The following NEO1 variants were observed in gnomAD, a reference collection of about 807,000 sequenced individuals.
NEO1 encodes the protein neogenin 1, also known as neogenin.
Under a neutral mutation model 159.7 loss-of-function variants are expected in NEO1, and 63 were observed. The observed-to-expected ratio is 0.39, with a 90% confidence interval of 0.32 to 0.49. The LOEUF is 0.49. Ranked by LOEUF, NEO1 falls within the 20% of genes least tolerant of loss-of-function variation. The probability of loss-of-function intolerance (pLI) is 0.85; values close to 1 mark genes in which losing one functional copy is unlikely to be tolerated. For missense variants in NEO1, 1,615 were observed against 1,831.0 expected (o/e 0.88, Z 2.15); for synonymous variants, 633 against 662.0 (o/e 0.96, Z 0.67).
intron 18 of NEO1, among the ~76,000 whole-genome samples, chr15:73,270,900 C>T (rs577025248): frequency 3.9e-5 from 6 of 152,286 alleles, no homozygotes; most frequent in East Asian, 1.9e-4. Context: ...TAAGTGGACA[C>T]GAGAGGGAAA....
At chr15:73,126,322 G>A (rs1397360715) in intron 3 of NEO1, 95 bp from the exon 4 acceptor site, 11 of 1,156,240 alleles carry the variant, frequency 9.5e-6, no homozygotes, top group Admixed American at 7.2e-5. Flanking sequence ...CTCCCTCCTC[G>A]GCCTCCCAAA....
intron 7 of NEO1, among the ~76,000 whole-genome samples, chr15:73,220,573 C>T (rs969088344): frequency 5.3e-5 from 8 of 152,164 alleles, no homozygotes; most frequent in Admixed American, 1.3e-4. Context: ...ACCAATCAGA[C>T]GTAGATTTGG....
At chr15:73,133,641 G>T (rs1023685579) in intron 4 of NEO1, among the ~76,000 whole-genome samples, 2 of 152,100 alleles carry the variant, frequency 1.3e-5, no homozygotes, top group African/African-American at 4.8e-5. Context: ...GCTACTCAGG[G>T]ATACCTTATG....
At chr15:73,251,071 A>G (rs1439632722) in intron 11 of NEO1, among the ~76,000 whole-genome samples, 1 of 152,220 alleles carries the variant, frequency 6.6e-6, no homozygotes, top group African/African-American at 2.4e-5. Context: ...CAATATGTAG[A>G]TAGATAAATC....
chr15:73,071,991 C>G (rs1269730526), intron 1 of NEO1, among the ~76,000 whole-genome samples: 3 of 152,074 alleles, frequency 2.0e-5, no homozygotes, highest in Non-Finnish European at 4.4e-5. Context: ...ACTCTTGTCA[C>G]CCAGGCTGAA....
At chr15:73,212,051 G>T (rs927685601) in intron 7 of NEO1, among the ~76,000 whole-genome samples, 8 of 152,278 alleles carry the variant, frequency 5.3e-5, no homozygotes, top group African/African-American at 1.9e-4. Context: ...TCGTATCGGG[G>T]TACATGATAT....
In NEO1 at chr15:73,304,984, G is replaced by A. The variant is rs2151204313; in HGVS notation, c.*2288G>A. Reference sequence around the variant, plus strand: ...CCATTGTGTGTCCTGTAGTGTCCTGGTTGAGCTGCCGCTCAGCAGCTTCCT... The same window carrying A: ...CCATTGTGTGTCCTGTAGTGTCCTGATTGAGCTGCCGCTCAGCAGCTTCCT... On this transcript the variant is annotated 3_prime_UTR_variant, in exon 29 of 29. Coordinates refer to ENST00000261908, the MANE Select transcript of NEO1 (RefSeq NM_002499.4). 1 of 152,130 alleles carries A rather than the reference G, an allele frequency of 6.6e-6. No individual in the cohort carries two copies. Among genetic ancestry groups the A allele is most frequent in the East Asian group, 1.9e-4 (1 of 5,164 alleles). 9.4% of individuals were successfully genotyped at this position (152,130 alleles called of 1,614,324 possible).
At chr15:73,235,437 G>C (rs1275301181) in intron 7 of NEO1, among the ~76,000 whole-genome samples, 2 of 152,184 alleles carry the variant, frequency 1.3e-5, no homozygotes, top group Non-Finnish European at 2.9e-5. Context: ...AGCATGGGCT[G>C]CCTTGGAAGT....
chr15:73,139,983 A>C (rs2032219332), intron 5 of NEO1, among the ~76,000 whole-genome samples: 1 of 152,238 alleles, frequency 6.6e-6, no homozygotes. Flanking sequence ...GACAGAAACC[A>C]ATAGAAAATG....
intron 21 of NEO1, 64 bp downstream of exon 21, chr15:73,274,788 TTTTG>T (rs2041329235): frequency 6.7e-7 from 1 of 1,488,072 alleles, no homozygotes. Flanking sequence ...AGCTTTTGGT[TTTTG>T]TTTCTTTTTT....
intron 5 of NEO1, among the ~76,000 whole-genome samples, chr15:73,164,210 G>GT (rs35133349): frequency 0.015 from 1,922 of 125,260 alleles, 33 homozygotes; most frequent in African/African-American, 0.039. Flanking sequence ...ATTATTATTG[G>GT]TTTTTTTTTT....
intron 7 of NEO1, among the ~76,000 whole-genome samples, chr15:73,195,464 A>G (rs2036485354): frequency 6.6e-6 from 1 of 152,204 alleles, no homozygotes; most frequent in Non-Finnish European, 1.5e-5. Flanking sequence ...AATATCTCCC[A>G]ATTGATGCAT....
chr15:73,216,076 T>TC (rs1316831561), intron 7 of NEO1, among the ~76,000 whole-genome samples: 8 of 133,752 alleles, frequency 6.0e-5, no homozygotes, highest in Non-Finnish European at 1.3e-4. Context: ...GTGCTATCCC[T>TC]CCCCCCTCCC....
intron 22 of NEO1, among the ~76,000 whole-genome samples, chr15:73,282,134 T>C (rs2041748973): frequency 6.6e-6 from 1 of 152,200 alleles, no homozygotes; most frequent in East Asian, 1.9e-4. Flanking sequence ...CCTTGTATGA[T>C]GGAATCTTTC....
intron 25 of NEO1, among the ~76,000 whole-genome samples, chr15:73,289,632 A>T (rs1411061710): frequency 6.6e-6 from 1 of 152,132 alleles, no homozygotes; most frequent in Non-Finnish European, 1.5e-5. Flanking sequence ...GCACCTGTGA[A>T]ATTTATTTTT....
intron 1 of NEO1, among the ~76,000 whole-genome samples, chr15:73,114,292 T>TC (rs1224125149): frequency 1.3e-5 from 2 of 152,058 alleles, no homozygotes; most frequent in Admixed American, 1.3e-4. Context: ...AGAAGCTAGA[T>TC]CAGGTGGTGA....
intron 5 of NEO1, among the ~76,000 whole-genome samples, chr15:73,143,770 T>A (rs2032638405): frequency 6.6e-6 from 1 of 152,200 alleles, no homozygotes; most frequent in East Asian, 1.9e-4. Context: ...TCCCCTTACT[T>A]CCAACTACAA....
At position 73,140,281 on chromosome 15, in the gene NEO1, C is replaced by T. The variant is rs112231975; in HGVS notation, c.1015+4254C>T. Among the ~76,000 whole-genome samples the T allele has an allele frequency of 3.1e-3, 477 of 152,238 alleles. 1 individual carries two copies. Among genetic ancestry groups the T allele is most frequent in the African/African-American group, 0.011 (441 of 41,546 alleles). On this transcript the variant is annotated intron_variant, in intron 5 of 28. Transcript: ENST00000261908. ...TATTAAAAACTGTACACTGGCTAGG[C>T]GCAGTGACTCATGCCTGTAATCCCA... is the stretch of plus-strand genomic sequence containing the variant.
At chr15:73,079,086 A>G (rs908346325) in intron 1 of NEO1, among the ~76,000 whole-genome samples, 1 of 152,114 alleles carries the variant, frequency 6.6e-6, no homozygotes, top group Non-Finnish European at 1.5e-5. Flanking sequence ...CTCTTTTTTA[A>G]TTGTTCAGAG....
Sources: allele counts gnomAD v4.1 joint callset (sites outside exome capture counted in the v4.1 genomes callset), GRCh38; gene constraint gnomAD v4.1.1; transcripts MANE v1.5; gene names NCBI Gene and HGNC (gene_info 2026-07-23, HGNC 2026-07-21).